CSMD1: variants seen among roughly 807,000 people sequenced by gnomAD.
The protein encoded by CSMD1 is CUB and sushi domain-containing protein 1.
A neutral mutation model predicts 417.5 loss-of-function variants in CSMD1; 213 were observed. The ratio of observed to expected loss-of-function variants is 0.51; its 90% CI spans 0.46 to 0.57. CSMD1 has a LOEUF of 0.57. Ranked by LOEUF, CSMD1 falls within the 20% of genes least tolerant of loss-of-function variation. The pLI is 0.00. For synonymous variants in CSMD1, 2,862 were observed against 1,736.8 expected (o/e 1.65, Z -16.11); for missense variants, 6,923 against 4,529.7 (o/e 1.53, Z -15.17).
rs934628167 is a variant in CSMD1, at chr8:4,356,031, T to C, written c.415+63922A>G. Among the ~76,000 whole-genome samples the C allele has an allele frequency of 2.0e-5, 3 of 152,338 alleles. No individual in the cohort carries two copies. The South Asian group carries it at 6.2e-4, about 32-fold the overall frequency. On this transcript the variant is annotated intron_variant, in intron 3 of 69. Coordinates refer to ENST00000635120, the MANE Select transcript of CSMD1 (RefSeq NM_033225.6). ...TTTGGTTACTTAAGTTACTGGTGTTTGGGAGATCCTGGTGCACTCATCACC... is the reference window on the plus strand; with the variant it reads ...TTTGGTTACTTAAGTTACTGGTGTTCGGGAGATCCTGGTGCACTCATCACC...
chr8:4,432,953 G>T (rs573267520), intron 2 of CSMD1, among the ~76,000 whole-genome samples: 2 of 152,162 alleles, frequency 1.3e-5, no homozygotes, highest in South Asian at 2.1e-4. Flanking sequence ...CATGGCTCAC[G>T]TTACCAGCTG....
intron 3 of CSMD1, among the ~76,000 whole-genome samples, chr8:4,183,730 T>C (rs941369378): frequency 2.0e-5 from 3 of 152,238 alleles, no homozygotes; most frequent in South Asian, 2.1e-4. Flanking sequence ...TAATATATCA[T>C]TTTAAAAGAT....
At chr8:4,918,798 C>T (rs993726188) in intron 1 of CSMD1, among the ~76,000 whole-genome samples, 2 of 152,030 alleles carry the variant, frequency 1.3e-5, no homozygotes, top group Non-Finnish European at 2.9e-5. Context: ...TATATATAAA[C>T]ACACTTGTGA....
chr8:4,088,046 C>A (rs181553320), intron 3 of CSMD1, among the ~76,000 whole-genome samples: 1 of 152,124 alleles, frequency 6.6e-6, no homozygotes, highest in African/African-American at 2.4e-5. Flanking sequence ...TCCCCCAGCA[C>A]CATGACCTTT....
chr8:3,147,362 T>C (rs1818907364), intron 40 of CSMD1, among the ~76,000 whole-genome samples: 1 of 152,242 alleles, frequency 6.6e-6, no homozygotes, highest in South Asian at 2.1e-4. Flanking sequence ...AAATAAGTAA[T>C]ATTTGTAAGA....
chr8:3,692,482 C>T (rs1370208010), intron 7 of CSMD1, among the ~76,000 whole-genome samples: 2 of 150,850 alleles, frequency 1.3e-5, no homozygotes, highest in Admixed American at 1.3e-4. Context: ...CCCTCTGTCA[C>T]CCAGGCTGGA....
chr8:4,835,507 G>A (rs1035978948), intron 1 of CSMD1, among the ~76,000 whole-genome samples: 1 of 152,168 alleles, frequency 6.6e-6, no homozygotes, highest in African/African-American at 2.4e-5. Flanking sequence ...GTGAAACAAT[G>A]AGGTACGCAA....
rs192930823 is a variant in CSMD1 at position 4,721,921 on chromosome 8, A to G, written c.86-84363T>C. Among the ~76,000 whole-genome samples the G allele has an allele frequency of 1.9e-3, 282 of 152,310 alleles. 1 individual carries two copies. Among genetic ancestry groups the G allele is most frequent in the Non-Finnish European group, 3.3e-3 (222 of 68,028 alleles). On this transcript the variant is annotated intron_variant, in intron 1 of 69. Transcript: ENST00000635120. ...TTATGTCAAGAGAAATAAACCAAAC[A>G]CGAAAGAAAAACTAGAATTTATTTC...
intron 9 of CSMD1, among the ~76,000 whole-genome samples, chr8:3,577,443 C>A (rs1474880025): frequency 6.6e-6 from 1 of 152,042 alleles, no homozygotes; most frequent in Non-Finnish European, 1.5e-5. Flanking sequence ...GTCTTTGCAA[C>A]ATATTTTAAT....
At chr8:3,787,470 A>T (rs77275662) in intron 5 of CSMD1, among the ~76,000 whole-genome samples, 1 of 152,120 alleles carries the variant, frequency 6.6e-6, no homozygotes, top group Admixed American at 6.5e-5. Context: ...GTGAAAAACA[A>T]AGTAGTGATT....
At chr8:3,906,398 A>G (rs1174450674) in intron 5 of CSMD1, among the ~76,000 whole-genome samples, 2 of 152,184 alleles carry the variant, frequency 1.3e-5, no homozygotes, top group Non-Finnish European at 2.9e-5. Flanking sequence ...GAAAAATGTA[A>G]TCTGTTTTTA....
intron 1 of CSMD1, among the ~76,000 whole-genome samples, chr8:4,886,470 A>G (rs1207014528): frequency 6.6e-6 from 1 of 151,886 alleles, no homozygotes; most frequent in Non-Finnish European, 1.5e-5. Flanking sequence ...TTTCTTTATG[A>G]TGTCTTTTTA....
intron 17 of CSMD1, among the ~76,000 whole-genome samples, chr8:3,392,738 C>G (rs1811424042): frequency 6.6e-6 from 1 of 152,054 alleles, no homozygotes; most frequent in Non-Finnish European, 1.5e-5. Flanking sequence ...TACTAAGCTC[C>G]CAGGGATGTG....
chr8:4,274,737 A>C (rs2128854614), intron 3 of CSMD1, among the ~76,000 whole-genome samples: 1 of 152,266 alleles, frequency 6.6e-6, no homozygotes, highest in South Asian at 2.1e-4. Flanking sequence ...CTTGTGTCTA[A>C]ACTGCCTTGT....
rs989357231 is a variant in CSMD1 at position 3,580,464 on chromosome 8, A to C, written c.1223-5398T>G. Among the ~76,000 whole-genome samples the C allele has an allele frequency of 2.0e-5, 3 of 152,298 alleles. 1 individual carries two copies. On this transcript the variant is annotated intron_variant, in intron 9 of 69. Transcript: ENST00000635120. ...ATCCTAGGAGAGAAACACCCCTGGC[A>C]AGCTCTAGGAATGTAAATAGCACCA...
At chr8:3,175,072 A>G (rs1563111037) in intron 37 of CSMD1, among the ~76,000 whole-genome samples, 1 of 152,332 alleles carries the variant, frequency 6.6e-6, no homozygotes, top group East Asian at 1.9e-4. Flanking sequence ...AATTATCTAC[A>G]TATGTTAATA....
At chr8:3,539,773 A>T (rs1372719908) in intron 10 of CSMD1, among the ~76,000 whole-genome samples, 1 of 151,860 alleles carries the variant, frequency 6.6e-6, no homozygotes, top group Admixed American at 6.6e-5. Flanking sequence ...TAAAAAAAAA[A>T]AAAAACACAA....
At position 3,485,095 on chromosome 8, in the gene CSMD1, A is replaced by G. The variant is rs369308886; in HGVS notation, c.1448+8528T>C. 3.9e-5 allele frequency among the ~76,000 whole-genome samples: 6 copies of G among 152,378 alleles called. No homozygotes were observed. The East Asian group carries it at 5.8e-4, about 15-fold the overall frequency. On this transcript the variant is annotated intron_variant, in intron 11 of 69. Transcript: ENST00000635120. ...AAGAGAAATAAAAACTCATGTTTAC[A>G]TAACAACCTATACACAAATGTCATA...
chr8:4,826,102 AT>A (rs1799810940), intron 1 of CSMD1, among the ~76,000 whole-genome samples: 1 of 152,118 alleles, frequency 6.6e-6, no homozygotes, highest in Admixed American at 6.6e-5. Flanking sequence ...TAAAAATTGA[AT>A]TACCACATGA....
Sources: gnomAD v4.1 joint callset for allele counts (sites outside exome capture counted in the v4.1 genomes callset) on GRCh38, gnomAD v4.1.1 for gene constraint, MANE v1.5 for transcripts, NCBI Gene and HGNC (gene_info 2026-07-23, HGNC 2026-07-21) for gene names.